RNF207: variants seen among roughly 807,000 people sequenced by gnomAD.
The protein encoded by RNF207 is OTTHUMG00000001089.
Under a neutral mutation model 79.0 loss-of-function variants are expected in RNF207, and 72 were observed. That is an observed-to-expected ratio of 0.91 (90% confidence interval 0.75 to 1.11). The LOEUF (loss-of-function observed/expected upper bound fraction) is 1.11. Ranked by LOEUF, RNF207 falls within the 50% of genes least tolerant of loss-of-function variation. The probability of loss-of-function intolerance (pLI) is 0.00; values close to 1 mark genes in which losing one functional copy is unlikely to be tolerated. For missense variants in RNF207, 936 were observed against 855.8 expected, an observed-to-expected ratio of 1.09 and a Z score of -1.17; for synonymous variants, 348 against 366.2, an observed-to-expected ratio of 0.95 and a Z score of 0.57.
rs1439402028 is a variant in RNF207, at chr1:6,211,051, C to T, written c.1042C>T (p.Arg348Cys). ...IASDHRAEFA[R>C]CLEPLLLLGP... is the part of the protein sequence containing the mutation. ...CAGTGACCACCGAGCTGAATTCGCG[C>T]GCTGTCTGGAGCCACTGCTGCTGCT... is the stretch of plus-strand genomic sequence containing the variant. Residue 348 changes from arginine (R) to cysteine (C), a missense_variant, in exon 12 of 18, where the codon CGC becomes TGC. Coordinates refer to ENST00000377939, the MANE Select transcript of RNF207 (RefSeq NM_207396.3). This position sits in a 1 kb window ranked among gnomAD's most constrained non-coding sequence, Gnocchi z 4.2. The T allele has an allele frequency of 6.8e-6, 11 of 1,608,926 alleles. No homozygotes were observed. Among genetic ancestry groups the T allele is most frequent in the Middle Eastern group, 1.6e-4 (1 of 6,070 alleles).
rs770383608 is a variant in RNF207 at position 6,212,391 on chromosome 1, A to T, written c.1457A>T (p.Glu486Val). 6.2e-7 allele frequency: 1 copy of T among 1,611,614 alleles called. No individual in the cohort carries two copies. The highest frequency in any genetic ancestry group is 8.5e-7 in the Non-Finnish European group (1 of 1,178,940). ...ATCGCCTCGGAGCACGCCTCCTTAG[A>T]GGGCATGAGGGTCGTCTTCCAGGAG... ...VQIASEHASL[E>V]GMRVVFQEIW... The change falls in exon 14 of 18, where the codon GAG becomes GTG. Residue 486 changes from glutamate (E) to valine (V), a missense_variant. Glu to Val is a moderately radical substitution (Grantham distance 121). Coordinates refer to ENST00000377939, the MANE Select transcript of RNF207 (RefSeq NM_207396.3).
intron 10 of RNF207, 35 bp downstream of exon 10, chr1:6,210,473 C>A: frequency 2.6e-6 from 4 of 1,548,088 alleles, no homozygotes; most frequent in Non-Finnish European, 3.5e-6. Flanking sequence ...TGCCCCCTCC[C>A]CACCAGGAGC....
chr1:6,207,745 C>T lies in RNF207; in HGVS notation c.324+234C>T, dbSNP rs1239677794. ...GACAGTGGCAGAGGCTAAGGCCATT[C>T]GATCTGGGGAGAGCTCACTGGTCCC... On this transcript the variant is annotated intron_variant, in intron 3 of 17. Transcript: ENST00000377939. This position sits in a 1 kb window ranked among gnomAD's most constrained non-coding sequence, Gnocchi z 4.5. 4.4e-6 allele frequency: 3 copies of T among 686,674 alleles called. No individual in the cohort carries two copies. The highest frequency in any genetic ancestry group is 2.0e-5 in the Admixed American group (1 of 49,134). 42.5% of individuals were successfully genotyped at this position (686,674 alleles called of 1,614,324 possible). A position where few individuals can be genotyped will look rare whatever the true frequency, so the allele number is the denominator to read the frequency against.
chr1:6,218,296 G>A lies in RNF207; in HGVS notation c.1660G>A (p.Ala554Thr). The change falls in exon 17 of 18, where the codon GCA becomes ACA. Residue 554 changes from alanine (A) to threonine (T), a missense_variant. Physicochemically the swap from Ala to Thr is moderately conservative, Grantham distance 58. Coordinates refer to ENST00000377939, the MANE Select transcript of RNF207 (RefSeq NM_207396.3). The stretch of plus-strand genomic sequence containing the variant: ...TGCCCACTCCCTTGCCAGGTTTCAG[G>A]CACCCGTGGATGAGCAGTCAGAGAG... ...VKERLEPRFQ[A>T]PVDEQSESLQ... 1 of 1,613,702 alleles carries A rather than the reference G, an allele frequency of 6.2e-7. No individual in the cohort carries two copies. The highest frequency in any genetic ancestry group is 2.2e-5 in the East Asian group (1 of 44,886).
intron 3 of RNF207, 104 bp from the exon 4 acceptor site, chr1:6,208,777 C>A (rs956132324): frequency 8.0e-7 from 1 of 1,245,812 alleles, no homozygotes; most frequent in Non-Finnish European, 1.1e-6. Context: ...GCTGCGCACC[C>A]GGCCACGGCT....
chr1:6,218,821 G>A (rs1668452528), intron 17 of RNF207, among the ~76,000 whole-genome samples: 1 of 152,136 alleles, frequency 6.6e-6, no homozygotes, highest in Non-Finnish European at 1.5e-5. Flanking sequence ...GGAAAACATA[G>A]TCACAGGGCA....
Position 6,207,759 on chromosome 1 carries a change from C to A in RNF207, c.324+248C>A. On this transcript the variant is annotated intron_variant, in intron 3 of 17. Coordinates refer to ENST00000377939, the MANE Select transcript of RNF207 (RefSeq NM_207396.3). The surrounding 1 kb of genome is among the most constrained non-coding windows in gnomAD (Gnocchi z 4.5). ...CTAAGGCCATTCGATCTGGGGAGAGCTCACTGGTCCCCAATTCAGGGTGGA... is the reference window on the plus strand; with the variant it reads ...CTAAGGCCATTCGATCTGGGGAGAGATCACTGGTCCCCAATTCAGGGTGGA... The A allele has an allele frequency of 1.5e-6, 1 of 672,334 alleles. No homozygotes were observed. Among genetic ancestry groups the A allele is most frequent in the South Asian group, 1.5e-5 (1 of 65,460 alleles). 41.6% of individuals were successfully genotyped at this position (672,334 alleles called of 1,614,324 possible). A position where few individuals can be genotyped will look rare whatever the true frequency, so the allele number is the denominator to read the frequency against.
chr1:6,214,408 T>C (rs965388610), intron 16 of RNF207, among the ~76,000 whole-genome samples: 2 of 151,962 alleles, frequency 1.3e-5, no homozygotes, highest in Non-Finnish European at 2.9e-5. Context: ...ATTTCTTTTT[T>C]TTTTTTCTTT....
rs1366431811 is a variant in RNF207 at position 6,219,757 on chromosome 1, G to C, written c.*350G>C. The C allele has an allele frequency of 2.5e-4, 40 of 157,108 alleles. No homozygotes were observed. Among genetic ancestry groups the C allele is most frequent in the Non-Finnish European group, 1.4e-5 (1 of 71,678 alleles). The allele number at this position is 157,108 out of a possible 1,614,324, so 9.7% of individuals were successfully genotyped here. ...GATCCACCTGCCTCAGCCTCCCAAA[G>C]TGCTGAGATTACAGGGGTGAGTCAC... On this transcript the variant is annotated 3_prime_UTR_variant, in exon 18 of 18. Coordinates refer to ENST00000377939, the MANE Select transcript of RNF207 (RefSeq NM_207396.3).
chr1:6,211,814 G>T lies in RNF207; in HGVS notation c.1110-53G>T. 1 of 1,367,056 alleles carries T rather than the reference G, an allele frequency of 7.3e-7. No individual in the cohort carries two copies. 84.7% of individuals were successfully genotyped at this position (1,367,056 alleles called of 1,614,324 possible). On this transcript the variant is annotated intron_variant, in intron 12 of 17. Transcript: ENST00000377939. This position sits in a 1 kb window ranked among gnomAD's most constrained non-coding sequence, Gnocchi z 4.2. ...TCCAGGGGGCTGCCCTGGGAGGCTG[G>T]GGGAGGGGCAGACTTCCCCACCCCC...
chr1:6,211,791 CA>C lies in RNF207; in HGVS notation c.1110-75del. On this transcript the variant is annotated intron_variant, in intron 12 of 17. Coordinates refer to ENST00000377939, the MANE Select transcript of RNF207 (RefSeq NM_207396.3). This position sits in a 1 kb window ranked among gnomAD's most constrained non-coding sequence, Gnocchi z 4.2. ...AGGGCTGTGAGATCCCGGAGCAGTC[CA>C]GGGGGCTGCCCTGGGAGGCTGGGGG... 3.6e-6 allele frequency: 4 copies of C among 1,122,046 alleles called. No individual in the cohort carries two copies. In the South Asian group the frequency reaches 5.9e-5, roughly 17 times the overall value. The allele number at this position is 1,122,046 out of a possible 1,614,324, so 69.5% of individuals were successfully genotyped here.
At chr1:6,210,569 C>A in intron 10 of RNF207, 131 bp downstream of exon 10, 1 of 688,478 alleles carries the variant, frequency 1.5e-6, no homozygotes, top group South Asian at 1.8e-5. Flanking sequence ...CTGACCCCCT[C>A]CCAACTCCAT....
In RNF207 at chr1:6,220,608, T is replaced by C. The variant is rs1020612564; in HGVS notation, c.*1201T>C. On this transcript the variant is annotated 3_prime_UTR_variant, in exon 18 of 18. Coordinates refer to ENST00000377939, the MANE Select transcript of RNF207 (RefSeq NM_207396.3). ...CAGGGGTTAGCACCTGGCCAGCTTA[T>C]GTGGCAGATGGTCTCAGTTACAACT... 3.3e-5 allele frequency: 5 copies of C among 152,224 alleles called. No individual in the cohort carries two copies. The highest frequency in any genetic ancestry group is 9.7e-5 in the African/African-American group (4 of 41,442). 9.4% of individuals were successfully genotyped at this position (152,224 alleles called of 1,614,324 possible).
rs755620117 is a variant in RNF207 at position 6,212,052 on chromosome 1, G to T, written c.1295G>T (p.Arg432Leu). The T allele has an allele frequency of 1.6e-5, 25 of 1,594,852 alleles. No individual in the cohort carries two copies. The African/African-American group carries it at 2.7e-4, about 17-fold the overall frequency. ...EHCRHYEDSY[R>L]HLQAEMQSLK... ...TGCCGCCACTATGAGGACTCCTACC[G>T]GGTGAGGGGGCAGGGATCTGCCGGA... The change falls in exon 13 of 18, where the codon CGG (arginine) becomes CTG (leucine). Residue 432 changes from arginine to leucine, a missense_variant and splice_region_variant. Physicochemically the swap from Arg to Leu is moderately radical, Grantham distance 102 (BLOSUM62 -2). Coordinates refer to ENST00000377939, the MANE Select transcript of RNF207 (RefSeq NM_207396.3).
intron 15 of RNF207, 132 bp downstream of exon 15, chr1:6,212,865 C>T: frequency 1.2e-6 from 1 of 862,548 alleles, no homozygotes; most frequent in Non-Finnish European, 1.9e-6. Context: ...CTTGACCGTG[C>T]CTCCCAGCTG....
chr1:6,208,603 G>A, intron 3 of RNF207: 1 of 456,078 alleles, frequency 2.2e-6, no homozygotes, highest in Non-Finnish European at 3.9e-6. Context: ...CACCGCGCCC[G>A]GCCTCGGTAA....
In RNF207 at chr1:6,211,834, A is replaced by AC. The variant is rs972497301; in HGVS notation, c.1110-27dup. Reference sequence around the variant, plus strand: ...GGCTGGGGGAGGGGCAGACTTCCCCACCCCCCTGCATCCACACTGGCTCTC... The same window carrying AC: ...GGCTGGGGGAGGGGCAGACTTCCCCACCCCCCCTGCATCCACACTGGCTCTC... On this transcript the variant is annotated intron_variant, in intron 12 of 17. Coordinates refer to ENST00000377939, the MANE Select transcript of RNF207 (RefSeq NM_207396.3). This position sits in a 1 kb window ranked among gnomAD's most constrained non-coding sequence, Gnocchi z 4.2. 5.3e-6 allele frequency: 8 copies of AC among 1,506,072 alleles called. No individual in the cohort carries two copies. Among genetic ancestry groups the AC allele is most frequent in the Admixed American group, 2.0e-5 (1 of 49,888 alleles). 93.3% of individuals were successfully genotyped at this position (1,506,072 alleles called of 1,614,324 possible).
At chr1:6,206,455 G>A in intron 1 of RNF207, 81 bp from the exon 2 acceptor site, 2 of 1,075,032 alleles carry the variant, frequency 1.9e-6, no homozygotes, top group South Asian at 1.6e-5. Flanking sequence ...GGGAGGGCGC[G>A]GGCGCCCGGG....
In RNF207 at chr1:6,210,851, G is replaced by A. The variant is rs1168527862; in HGVS notation, c.943-19G>A. ...GCTGCCACACCTCCACCGGCCTGAG[G>A]CCCTCCTCACTGCCACAGGAGCTGA... On this transcript the variant is annotated intron_variant, in intron 10 of 17. Coordinates refer to ENST00000377939, the MANE Select transcript of RNF207 (RefSeq NM_207396.3). The A allele has an allele frequency of 1.3e-6, 2 of 1,583,560 alleles. No individual in the cohort carries two copies. Among genetic ancestry groups the A allele is most frequent in the East Asian group, 2.3e-5 (1 of 43,622 alleles).
Sources: gnomAD v4.1 joint callset for allele counts (sites outside exome capture counted in the v4.1 genomes callset) on GRCh38, gnomAD v4.1.1 for gene constraint, Gnocchi (gnomAD v3.1) non-coding constraint, MANE v1.5 for transcripts, NCBI Gene and HGNC (gene_info 2026-07-23, HGNC 2026-07-21) for gene names.